Variants in TRAPPC9 observed in about 807,000 individuals in gnomAD.
TRAPPC9 encodes the protein trafficking protein particle complex subunit 9.
TRAPPC9 carries 83 observed loss-of-function variants against 124.0 expected under a neutral mutation model. The ratio of observed to expected loss-of-function variants is 0.67; its 90% confidence interval spans 0.56 to 0.80. TRAPPC9 has a LOEUF of 0.80. Among genes scored for constraint, TRAPPC9 ranks in the 30% least tolerant of loss-of-function variants. The probability of loss-of-function intolerance (pLI) is 0.00; values close to 1 mark genes in which losing one functional copy is unlikely to be tolerated. For missense variants in TRAPPC9, 1,302 were observed against 1,508.3 expected, an observed-to-expected ratio of 0.86 and a Z score of 2.27; for synonymous variants, 638 against 617.5, an observed-to-expected ratio of 1.03 and a Z score of -0.49.
Position 139,988,774 on chromosome 8 carries a change from C to T in TRAPPC9, c.2762G>A (p.Ser921Asn), listed in dbSNP as rs190296797. ...FNSTEHELTV[S>N]TRSSEALILH... is the part of the protein sequence containing the mutation. ...GATGAGTGCCTCGCTGCTCCTGGTG[C>T]TGACGGTCAGCTCATGCTCGGTGGA... The change falls in exon 19 of 23, where the codon AGC (serine) becomes AAC (asparagine). Residue 921 changes from serine to asparagine, a missense_variant. Ser to Asn is a conservative substitution (Grantham distance 46, BLOSUM62 1). Coordinates refer to ENST00000438773, the MANE Select transcript of TRAPPC9 (RefSeq NM_001160372.4). The T allele has an allele frequency of 4.5e-6, 7 of 1,551,522 alleles. No individual in the cohort carries two copies. The highest frequency in any genetic ancestry group is 2.7e-5 in the African/African-American group (2 of 73,178).
intron 17 of TRAPPC9, among the ~76,000 whole-genome samples, chr8:140,101,868 CTTT>C (rs113276860): frequency 6.9e-6 from 1 of 145,774 alleles, no homozygotes; most frequent in East Asian, 2.0e-4. Context: ...TTGTTTTTTC[CTTT>C]TTTTTTTTCT....
intron 18 of TRAPPC9, among the ~76,000 whole-genome samples, chr8:139,996,839 A>C (rs886956123): frequency 6.6e-6 from 1 of 152,116 alleles, no homozygotes; most frequent in African/African-American, 2.4e-5. Flanking sequence ...TCCCAGGTTC[A>C]AGCGATTCTC....
At chr8:139,822,076 CA>C (rs1825292169) in intron 21 of TRAPPC9, among the ~76,000 whole-genome samples, 1 of 152,202 alleles carries the variant, frequency 6.6e-6, no homozygotes, top group South Asian at 2.1e-4. Flanking sequence ...TGGGGTGCTG[CA>C]AACAGCCTTG....
At chr8:140,335,352 C>T (rs767130294) in intron 9 of TRAPPC9, among the ~76,000 whole-genome samples, 7 of 152,068 alleles carry the variant, frequency 4.6e-5, no homozygotes, top group East Asian at 3.9e-4. Flanking sequence ...GGGAAATCCC[C>T]ACATGAGAGA....
chr8:140,200,346 A>T (rs1308263399), intron 17 of TRAPPC9, among the ~76,000 whole-genome samples: 3 of 152,134 alleles, frequency 2.0e-5, no homozygotes, highest in African/African-American at 4.8e-5. Flanking sequence ...CCCCCACCAG[A>T]AGGGGGAGCT....
intron 17 of TRAPPC9, among the ~76,000 whole-genome samples, chr8:140,115,046 A>T (rs979868717): frequency 6.6e-6 from 1 of 152,162 alleles, no homozygotes; most frequent in African/African-American, 2.4e-5. Context: ...TGCAGGTAAT[A>T]AATGACAACA....
At chr8:140,145,707 G>T (rs984644897) in intron 17 of TRAPPC9, among the ~76,000 whole-genome samples, 2 of 151,024 alleles carry the variant, frequency 1.3e-5, no homozygotes, top group African/African-American at 4.9e-5. Flanking sequence ...GGGGGTTTTT[G>T]TTTTTGTTTT....
chr8:139,903,043 C>T (rs1423639498), intron 20 of TRAPPC9, among the ~76,000 whole-genome samples: 1 of 152,168 alleles, frequency 6.6e-6, no homozygotes, highest in Non-Finnish European at 1.5e-5. Context: ...GATCCAACAC[C>T]CCTCAGCAGT....
At chr8:139,755,662 G>A (rs1337087976) in intron 21 of TRAPPC9, among the ~76,000 whole-genome samples, 1 of 136,530 alleles carries the variant, frequency 7.3e-6, no homozygotes, top group Non-Finnish European at 1.6e-5. Context: ...TGGGGTATAA[G>A]GACAGCAGGT....
intron 15 of TRAPPC9, among the ~76,000 whole-genome samples, chr8:140,258,335 A>G (rs72688864): frequency 0.11 from 16,259 of 152,296 alleles, 1,112 homozygotes; most frequent in Admixed American, 0.17. Context: ...TTGACATTTC[A>G]CTCAAAACTC....
At position 139,984,003 on chromosome 8, in the gene TRAPPC9, C is replaced by T. The variant is rs944021081; in HGVS notation, c.2810+4723G>A. ...GTAAATACTATTTCCATCCTCTCTT[C>T]CCCCAGGAAGCATGTTGCTCCTCCT... is the stretch of plus-strand genomic sequence containing the variant. On this transcript the variant is annotated intron_variant, in intron 19 of 22. Coordinates refer to ENST00000438773, the MANE Select transcript of TRAPPC9 (RefSeq NM_001160372.4). This position sits in a 1 kb window ranked among gnomAD's most constrained non-coding sequence, Gnocchi z 4.3. Among the ~76,000 whole-genome samples the T allele has an allele frequency of 1.3e-5, 2 of 152,158 alleles. No individual in the cohort carries two copies. Among genetic ancestry groups the T allele is most frequent in the African/African-American group, 4.8e-5 (2 of 41,416 alleles).
At chr8:140,047,589 C>T (rs1391484329) in intron 17 of TRAPPC9, among the ~76,000 whole-genome samples, 2 of 151,830 alleles carry the variant, frequency 1.3e-5, no homozygotes, top group South Asian at 2.1e-4. Context: ...GCCCAGCGGC[C>T]GCTGCTCAGC....
chr8:139,857,613 G>A (rs1299253299), intron 21 of TRAPPC9, among the ~76,000 whole-genome samples: 2 of 152,214 alleles, frequency 1.3e-5, no homozygotes, highest in East Asian at 3.9e-4. Context: ...AGCAGCCACA[G>A]GAGCTCCGTA....
chr8:140,268,848 G>C, intron 15 of TRAPPC9, among the ~76,000 whole-genome samples: 1 of 152,236 alleles, frequency 6.6e-6, no homozygotes, highest in South Asian at 2.1e-4. Flanking sequence ...CCATGTTGAC[G>C]GTCTCGGCAT....
chr8:140,260,122 C>A (rs1400003250), intron 15 of TRAPPC9, among the ~76,000 whole-genome samples: 1 of 152,072 alleles, frequency 6.6e-6, no homozygotes, highest in African/African-American at 2.4e-5. Context: ...CAAACATATA[C>A]ACGCTCACAC....
chr8:140,425,344 C>A (rs1475764040), intron 5 of TRAPPC9, among the ~76,000 whole-genome samples: 1 of 152,216 alleles, frequency 6.6e-6, no homozygotes, highest in Non-Finnish European at 1.5e-5. Flanking sequence ...GATGTCCTCA[C>A]ATACCAAACA....
rs189709207 is a variant in TRAPPC9, at chr8:139,879,360, G to A, written c.3055+6519C>T. Among the ~76,000 whole-genome samples, 10 of 152,316 alleles carry A rather than the reference G, an allele frequency of 6.6e-5. No homozygotes were observed. In the East Asian group the frequency reaches 1.5e-3, roughly 24 times the overall value. Reference sequence around the variant, plus strand: ...CCTGGATGTGGACCCTGCACCACACGTGCTCCCAGTGGGCCTGAAGGCAGG... The same window carrying A: ...CCTGGATGTGGACCCTGCACCACACATGCTCCCAGTGGGCCTGAAGGCAGG... On this transcript the variant is annotated intron_variant, in intron 21 of 22. Transcript: ENST00000438773.
Position 140,216,998 on chromosome 8 carries a change from G to T in TRAPPC9, c.2556+4461C>A, listed in dbSNP as rs2063211654. ...AACACGGTCCTCAGTGGACAAGGCT[G>T]AGTTACTGGCTTGTATGACAGCCCC... On this transcript the variant is annotated intron_variant, in intron 17 of 22. Coordinates refer to ENST00000438773, the MANE Select transcript of TRAPPC9 (RefSeq NM_001160372.4). The surrounding 1 kb of genome is among the most constrained non-coding windows in gnomAD (Gnocchi z 4.1). Among the ~76,000 whole-genome samples the T allele has an allele frequency of 6.6e-6, 1 of 152,194 alleles. No individual in the cohort carries two copies. Among genetic ancestry groups the T allele is most frequent in the Admixed American group, 6.5e-5 (1 of 15,282 alleles).
intron 17 of TRAPPC9, chr8:140,099,530 G>A: frequency 6.7e-6 from 1 of 149,066 alleles, no homozygotes; most frequent in East Asian, 2.0e-4. Context: ...AAGTAATGAC[G>A]TTCGCCCAGA....
Sources: gnomAD v4.1 joint callset for allele counts (sites outside exome capture counted in the v4.1 genomes callset) on GRCh38, gnomAD v4.1.1 for gene constraint, Gnocchi (gnomAD v3.1) non-coding constraint, MANE v1.5 for transcripts, NCBI Gene and HGNC (gene_info 2026-07-23, HGNC 2026-07-21) for gene names.